The following MYO9B variants were observed in gnomAD, a reference collection of about 807,000 sequenced individuals.
The protein encoded by MYO9B is unconventional myosin-IXb.
Under a neutral mutation model 229.5 loss-of-function variants are expected in MYO9B, and 71 were observed. The ratio of observed to expected loss-of-function variants is 0.31; its 90% CI spans 0.26 to 0.38. The LOEUF is 0.38. Among genes scored for constraint, MYO9B ranks in the 10% least tolerant of loss-of-function variants. The pLI is 1.00. For synonymous variants in MYO9B, 1,185 were observed against 1,235.8 expected, an observed-to-expected ratio of 0.96 and a Z score of 0.86; for missense variants, 2,255 against 2,920.5, an observed-to-expected ratio of 0.77 and a Z score of 5.25.
chr19:17,078,090 C>A (rs2057502610), intron 1 of MYO9B, among the ~76,000 whole-genome samples: 1 of 152,210 alleles, frequency 6.6e-6, no homozygotes, highest in Non-Finnish European at 1.5e-5. Flanking sequence ...TTCCTCATCT[C>A]TTCCAAATGG....
intron 2 of MYO9B, among the ~76,000 whole-genome samples, chr19:17,107,715 G>A (rs182282043): frequency 3.0e-4 from 46 of 152,212 alleles, no homozygotes; most frequent in Non-Finnish European, 3.5e-4. Flanking sequence ...TGCCTCTGTC[G>A]TCAGGGGCGT....
chr19:17,165,053 A>G lies in MYO9B; in HGVS notation c.1671+1931A>G, dbSNP rs1318867808. Among the ~76,000 whole-genome samples the G allele has an allele frequency of 2.6e-5, 4 of 152,058 alleles. No homozygotes were observed. The East Asian group carries it at 7.7e-4, about 29-fold the overall frequency. The stretch of plus-strand genomic sequence containing the variant: ...CTAGTTTTTTGGTTTTATTTTTTGT[A>G]GAGACAGGGTCTTGCTATGTTGCCC... On this transcript the variant is annotated intron_variant, in intron 10 of 39. Coordinates refer to ENST00000682292, the MANE Select transcript of MYO9B (RefSeq NM_004145.4).
chr19:17,192,348 T>C (rs1407195003), intron 20 of MYO9B, among the ~76,000 whole-genome samples: 1 of 150,358 alleles, frequency 6.7e-6, no homozygotes, highest in Non-Finnish European at 1.5e-5. Flanking sequence ...AATCCCAGCA[T>C]TTTTGGGAGG....
intron 17 of MYO9B, 98 bp from the exon 18 acceptor site, chr19:17,185,823 C>A: frequency 2.1e-6 from 2 of 944,266 alleles, no homozygotes; most frequent in South Asian, 1.4e-5. Context: ...ACCCCATCCA[C>A]CCCACACTGA....
At chr19:17,174,707 G>A (rs941682534) in intron 13 of MYO9B, among the ~76,000 whole-genome samples, 2 of 151,936 alleles carry the variant, frequency 1.3e-5, no homozygotes, top group Non-Finnish European at 2.9e-5. Context: ...GACCGAGGTG[G>A]GTGGACCACG....
chr19:17,200,436 C>T lies in MYO9B; in HGVS notation c.4372+10C>T. ...AAGAAGGGCCTGGAAGGTTGGTAGC[C>T]TGCAGCCTCAGGGACAGACAGTAGA... On this transcript the variant is annotated intron_variant, in intron 25 of 39. Transcript: ENST00000682292. 1 of 1,565,112 alleles carries T rather than the reference C, an allele frequency of 6.4e-7. No individual in the cohort carries two copies. Among genetic ancestry groups the T allele is most frequent in the African/African-American group, 1.4e-5 (1 of 73,736 alleles).
intron 14 of MYO9B, among the ~76,000 whole-genome samples, chr19:17,176,813 A>G (rs572913128): frequency 2.3e-4 from 35 of 152,268 alleles, no homozygotes; most frequent in African/African-American, 7.9e-4. Flanking sequence ...ACACTTTGAT[A>G]TTGCACATGA....
At chr19:17,186,500 G>A (rs1330420616) in intron 18 of MYO9B, among the ~76,000 whole-genome samples, 2 of 152,150 alleles carry the variant, frequency 1.3e-5, no homozygotes, top group Non-Finnish European at 1.5e-5. Context: ...GACTGAGCAG[G>A]AGTGTGGGCT....
At chr19:17,077,136 A>G (rs1257432981) in intron 1 of MYO9B, among the ~76,000 whole-genome samples, 1 of 152,192 alleles carries the variant, frequency 6.6e-6, no homozygotes, top group African/African-American at 2.4e-5. Flanking sequence ...GCTACAGGAA[A>G]GTTATTCACA....
At chr19:17,161,536 C>T (rs1023323262) in intron 8 of MYO9B, among the ~76,000 whole-genome samples, 2 of 152,068 alleles carry the variant, frequency 1.3e-5, no homozygotes, top group Admixed American at 6.6e-5. Flanking sequence ...AAAATTAAGG[C>T]CAGGCACGGT....
chr19:17,151,475 A>G (rs182958007), intron 3 of MYO9B, among the ~76,000 whole-genome samples: 1 of 152,160 alleles, frequency 6.6e-6, no homozygotes, highest in Non-Finnish European at 1.5e-5. Context: ...GAATATAGAA[A>G]GAGCATTTAC....
intron 2 of MYO9B, among the ~76,000 whole-genome samples, chr19:17,144,863 G>A (rs567611738): frequency 2.4e-4 from 37 of 151,456 alleles, no homozygotes; most frequent in Non-Finnish European, 4.7e-4. Context: ...CCAGCCACTC[G>A]GGAGGCTGAG....
At chr19:17,108,180 A>C (rs1044314981) in intron 2 of MYO9B, among the ~76,000 whole-genome samples, 1 of 152,168 alleles carries the variant, frequency 6.6e-6, no homozygotes, top group Admixed American at 6.5e-5. Flanking sequence ...TGCCAGGCCA[A>C]CCTGCTTGGG....
intron 36 of MYO9B, 22 bp downstream of exon 36, chr19:17,209,731 G>A: frequency 6.2e-7 from 1 of 1,612,734 alleles, no homozygotes; most frequent in Non-Finnish European, 8.5e-7. Flanking sequence ...TGATCGTGGG[G>A]GCGGGACCTC....
At chr19:17,183,660 G>A in intron 15 of MYO9B, 169 bp from the exon 16 acceptor site, 1 of 603,426 alleles carries the variant, frequency 1.7e-6, no homozygotes, top group Non-Finnish European at 2.9e-6. Flanking sequence ...GCACGCCACG[G>A]TGTGCAGCGT....
chr19:17,163,360 C>T (rs1014423861), intron 10 of MYO9B, among the ~76,000 whole-genome samples: 72 of 148,318 alleles, frequency 4.9e-4, no homozygotes, highest in Non-Finnish European at 1.2e-4. Flanking sequence ...GCCCTGAACT[C>T]ACCCCATTCC....
intron 11 of MYO9B, among the ~76,000 whole-genome samples, chr19:17,170,795 G>A (rs2072716083): frequency 6.8e-6 from 1 of 147,472 alleles, no homozygotes; most frequent in Non-Finnish European, 1.5e-5. Context: ...TTGCATTCTA[G>A]CCTGGGCAAC....
Position 17,117,017 on chromosome 19 carries a change from T to G in MYO9B, c.840+14460T>G, listed in dbSNP as rs2057911070. 2.0e-5 allele frequency among the ~76,000 whole-genome samples: 3 copies of G among 152,188 alleles called. No individual in the cohort carries two copies. In the South Asian group the frequency reaches 6.2e-4, roughly 31 times the overall value. On this transcript the variant is annotated intron_variant, in intron 2 of 39. Coordinates refer to ENST00000682292, the MANE Select transcript of MYO9B (RefSeq NM_004145.4). ...AAGAGTGAAATTATGGGGTATATTT[T>G]AAGCACCATAAAAAGGTCTCCTTGG... is the stretch of plus-strand genomic sequence containing the variant.
At chr19:17,116,042 G>A (rs563333845) in intron 2 of MYO9B, among the ~76,000 whole-genome samples, 29 of 152,290 alleles carry the variant, frequency 1.9e-4, no homozygotes, top group African/African-American at 6.5e-4. Context: ...AGCTGGGAGT[G>A]GTAGTACAGC....
Sources: gnomAD v4.1 joint callset for allele counts (sites outside exome capture counted in the v4.1 genomes callset) on GRCh38, gnomAD v4.1.1 for gene constraint, MANE v1.5 for transcripts, NCBI Gene and HGNC (gene_info 2026-07-23, HGNC 2026-07-21) for gene names.